Variants in ADAMTS14 observed in about 807,000 individuals in gnomAD.
The protein encoded by ADAMTS14 is A disintegrin and metalloproteinase with thrombospondin motifs 14.
A neutral mutation model predicts 128.6 loss-of-function variants in ADAMTS14; 100 were observed. That is an observed-to-expected ratio of 0.78 (90% CI 0.66 to 0.92). The LOEUF (loss-of-function observed/expected upper bound fraction) is 0.92. Ranked by LOEUF, ADAMTS14 falls within the 40% of genes least tolerant of loss-of-function variation. The probability of loss-of-function intolerance (pLI) is 0.00; values close to 1 mark genes in which losing one functional copy is unlikely to be tolerated. For synonymous variants in ADAMTS14, 665 were observed against 653.8 expected, an observed-to-expected ratio of 1.02 and a Z score of -0.26; for missense variants, 1,562 against 1,658.6, an observed-to-expected ratio of 0.94 and a Z score of 1.01.
At position 70,744,149 on chromosome 10, in the gene ADAMTS14, G is replaced by A. The variant is rs1224610072; in HGVS notation, c.2142G>A (p.Arg714=). The change falls in exon 14 of 22, where the codon AGG becomes AGA. Residue 714 remains arginine, a synonymous_variant. Transcript: ENST00000373207. ...GVCGGDNSHC[R]TVKGTLGKAS... ...GCGGGGGTGACAACTCCCACTGCAG[G>A]ACTGTGAAGGGGACGCTGGGCAAGG... 2 of 1,552,138 alleles carry A rather than the reference G, an allele frequency of 1.3e-6. No individual in the cohort carries two copies. The highest frequency in any genetic ancestry group is 2.7e-5 in the African/African-American group (2 of 73,330).
At chr10:70,758,429 T>C in intron 21 of ADAMTS14, 144 bp downstream of exon 21, 1 of 680,324 alleles carries the variant, frequency 1.5e-6, no homozygotes, top group Non-Finnish European at 2.4e-6. Flanking sequence ...ACCTCAGTTA[T>C]GAAGTGGGGA....
chr10:70,727,955 G>T (rs562981613), intron 4 of ADAMTS14, among the ~76,000 whole-genome samples: 64 of 152,284 alleles, frequency 4.2e-4, no homozygotes, highest in African/African-American at 1.3e-3. Context: ...AATTAGAAGG[G>T]TGTGGTGGCG....
intron 2 of ADAMTS14, among the ~76,000 whole-genome samples, chr10:70,699,373 TAAG>T (rs1840428779): frequency 6.6e-6 from 1 of 152,178 alleles, no homozygotes; most frequent in South Asian, 2.1e-4. Flanking sequence ...ATAACAATGA[TAAG>T]AAAACTATTT....
chr10:70,710,388 T>C (rs1486739807), intron 4 of ADAMTS14, among the ~76,000 whole-genome samples: 1 of 152,244 alleles, frequency 6.6e-6, no homozygotes, highest in Admixed American at 6.5e-5. Flanking sequence ...AGCCCCTGCA[T>C]GGGCCCTCAC....
Position 70,674,654 on chromosome 10 carries a change from G to A in ADAMTS14, c.181G>A (p.Ala61Thr). The A allele has an allele frequency of 6.2e-7, 1 of 1,613,592 alleles. No individual in the cohort carries two copies. The highest frequency in any genetic ancestry group is 8.5e-7 in the Non-Finnish European group (1 of 1,180,046). Residue 61 changes from alanine to threonine, a missense_variant, in exon 2 of 22, where the codon GCA becomes ACA. Physicochemically the swap from Ala to Thr is moderately conservative, Grantham distance 58 (BLOSUM62 0). Transcript: ENST00000373207. ...CCTCTCCCACGTGGTGTCTGGCCCA[G>A]CAGCAGCCTCTGCAGGGAGCATGGT... ...RFLSHVVSGP[A>T]AASAGSMVVD... is the part of the protein sequence containing the mutation.
intron 21 of ADAMTS14, 56 bp from the exon 22 acceptor site, chr10:70,760,303 CT>C: frequency 6.7e-7 from 1 of 1,503,208 alleles, no homozygotes; most frequent in Non-Finnish European, 8.9e-7. Flanking sequence ...GGGGGGCCAC[CT>C]GACTGACAGG....
At chr10:70,696,638 T>C (rs1458774290) in intron 2 of ADAMTS14, among the ~76,000 whole-genome samples, 1 of 152,128 alleles carries the variant, frequency 6.6e-6, no homozygotes, top group Non-Finnish European at 1.5e-5. Context: ...TAGACCTAGA[T>C]GTCCAGGGTG....
At chr10:70,697,662 T>C (rs1480407344) in intron 2 of ADAMTS14, among the ~76,000 whole-genome samples, 1 of 152,234 alleles carries the variant, frequency 6.6e-6, no homozygotes, top group African/African-American at 2.4e-5. Flanking sequence ...GGTGACCCGC[T>C]GCACTTGCTC....
chr10:70,688,874 G>A lies in ADAMTS14; in HGVS notation c.523-13438G>A, dbSNP rs796087652. On this transcript the variant is annotated intron_variant, in intron 2 of 21. Transcript: ENST00000373207. Reference sequence around the variant, plus strand: ...GGGAGGGGGAGGGGGAGGGGGAGGGGGAGGGGGAGGGGGAGGGGGAGGGAG... The same window carrying A: ...GGGAGGGGGAGGGGGAGGGGGAGGGAGAGGGGGAGGGGGAGGGGGAGGGAG... Among the ~76,000 whole-genome samples the A allele has an allele frequency of 3.0e-3, 18 of 6,030 alleles. 6 individuals are homozygous for A. The highest frequency in any genetic ancestry group is 9.6e-3 in the African/African-American group (11 of 1,144). The allele number at this position is 6,030 out of a possible 152,430, so 4.0% of individuals were successfully genotyped here. A position where few individuals can be genotyped will look rare whatever the true frequency, so the allele number is the denominator to read the frequency against.
chr10:70,705,275 C>T (rs1007886763), intron 3 of ADAMTS14, among the ~76,000 whole-genome samples: 5 of 152,036 alleles, frequency 3.3e-5, no homozygotes, highest in Non-Finnish European at 5.9e-5. Flanking sequence ...CTGCTCCTAA[C>T]GCTTCCCTCT....
At chr10:70,757,137 C>T (rs928383185) in intron 19 of ADAMTS14, among the ~76,000 whole-genome samples, 1 of 152,072 alleles carries the variant, frequency 6.6e-6, no homozygotes, top group Non-Finnish European at 1.5e-5. Flanking sequence ...TCACACTGGG[C>T]AACGCTGCTT....
intron 20 of ADAMTS14, 38 bp downstream of exon 20, chr10:70,758,129 T>C (rs1194894844): frequency 1.2e-6 from 2 of 1,612,538 alleles, no homozygotes; most frequent in South Asian, 1.1e-5. Context: ...GTCCAGTCCC[T>C]TGGGCCAAAG....
Position 70,758,187 on chromosome 10 carries a change from A to G in ADAMTS14, c.3080A>G (p.Asn1027Ser). The change falls in exon 21 of 22, where the codon AAC becomes AGC. Residue 1027 changes from asparagine to serine, a missense_variant. Coordinates refer to ENST00000373207, the MANE Select transcript of ADAMTS14 (RefSeq NM_080722.4). ...SLPACGGNHQ[N>S]STVRADVWEL... is the part of the protein sequence containing the mutation. Reference sequence around the variant, plus strand: ...TTCCTGCTCACAGGAAATCACCAGAACTCCACGGTGAGGGCCGATGTCTGG... The same window carrying G: ...TTCCTGCTCACAGGAAATCACCAGAGCTCCACGGTGAGGGCCGATGTCTGG... The G allele has an allele frequency of 6.2e-7, 1 of 1,613,998 alleles. No homozygotes were observed. The highest frequency in any genetic ancestry group is 1.7e-5 in the Admixed American group (1 of 60,008).
At chr10:70,719,613 G>A (rs1214334347) in intron 4 of ADAMTS14, among the ~76,000 whole-genome samples, 2 of 151,784 alleles carry the variant, frequency 1.3e-5, no homozygotes, top group South Asian at 4.2e-4. Context: ...TCACTACGTT[G>A]CTCAGACTGG....
intron 6 of ADAMTS14, 133 bp downstream of exon 6, chr10:70,730,382 G>A (rs1841598563): frequency 1.6e-6 from 2 of 1,246,568 alleles, no homozygotes; most frequent in Non-Finnish European, 1.1e-6. Context: ...GACCTGGACA[G>A]CCGAGGATGA....
At chr10:70,729,761 A>G (rs1217685671) in intron 5 of ADAMTS14, among the ~76,000 whole-genome samples, 1 of 152,200 alleles carries the variant, frequency 6.6e-6, no homozygotes, top group Admixed American at 6.5e-5. Flanking sequence ...ACTTTCCTGT[A>G]AGGGCTATTG....
chr10:70,737,992 T>C (rs1271374518), intron 10 of ADAMTS14, among the ~76,000 whole-genome samples: 1 of 152,186 alleles, frequency 6.6e-6, no homozygotes, highest in Non-Finnish European at 1.5e-5. Context: ...CTATAGTACG[T>C]AAATTACACC....
At chr10:70,740,702 TAGTC>T (rs989330743) in intron 11 of ADAMTS14, among the ~76,000 whole-genome samples, 1 of 152,172 alleles carries the variant, frequency 6.6e-6, no homozygotes, top group African/African-American at 2.4e-5. Flanking sequence ...TGGAGAGGGT[TAGTC>T]AGTCCCTGTG....
At position 70,719,657 on chromosome 10, in the gene ADAMTS14, C is replaced by G. The variant is rs201333471; in HGVS notation, c.871-9637C>G. ...TCCTGAGCTCAAACAATCCTCCTGC[C>G]TCAGCCTCCCAAAGTGCTGGTATTA... On this transcript the variant is annotated intron_variant, in intron 4 of 21. Coordinates refer to ENST00000373207, the MANE Select transcript of ADAMTS14 (RefSeq NM_080722.4). Among the ~76,000 whole-genome samples the G allele has an allele frequency of 2.6e-5, 4 of 152,300 alleles. No homozygotes were observed. The East Asian group carries it at 5.8e-4, about 22-fold the overall frequency.
Sources: allele counts gnomAD v4.1 joint callset (sites outside exome capture counted in the v4.1 genomes callset), GRCh38; gene constraint gnomAD v4.1.1; transcripts MANE v1.5; gene names NCBI Gene and HGNC (gene_info 2026-07-23, HGNC 2026-07-21).